The following XRCC6 variants were observed in gnomAD, a reference collection of about 807,000 sequenced individuals.
The protein encoded by XRCC6 is DNA repair protein Ku70.
In XRCC6, 5 loss-of-function variants were observed where a neutral mutation model predicts 65.7. The observed-to-expected ratio is 0.08, with a 90% CI of 0.04 to 0.16. XRCC6 has a LOEUF of 0.16. Among genes scored for constraint, XRCC6 ranks in the 10% least tolerant of loss-of-function variants. The pLI, the probability that XRCC6 is intolerant of heterozygous loss-of-function variation, is 1.00. For missense variants in XRCC6, 447 were observed against 738.1 expected, an observed-to-expected ratio of 0.61 and a Z score of 4.57; for synonymous variants, 270 against 270.6, an observed-to-expected ratio of 1.00 and a Z score of 0.02.
chr22:41,642,845 T>C (rs1424513334), intron 6 of XRCC6, among the ~76,000 whole-genome samples: 3 of 152,246 alleles, frequency 2.0e-5, no homozygotes, highest in Admixed American at 6.5e-5. Flanking sequence ...CACCAAATGG[T>C]TGATGTTGTT....
chr22:41,635,204 A>G (rs1191127614), intron 3 of XRCC6, among the ~76,000 whole-genome samples: 3 of 152,228 alleles, frequency 2.0e-5, no homozygotes, highest in African/African-American at 4.8e-5. Flanking sequence ...AGTACCTAAT[A>G]CAATGCCTAT....
intron 3 of XRCC6, among the ~76,000 whole-genome samples, chr22:41,630,852 A>G (rs575823793): frequency 6.2e-4 from 94 of 152,304 alleles, no homozygotes; most frequent in African/African-American, 2.1e-3. Context: ...AAAGTCTCCC[A>G]TGTCTACTTT....
chr22:41,647,211 GT>G, intron 7 of XRCC6, 129 bp downstream of exon 7: 1 of 875,066 alleles, frequency 1.1e-6, no homozygotes, highest in Non-Finnish European at 1.7e-6. Context: ...CGATCCTTCT[GT>G]CTCAGCCTCC....
rs1303054561 is a variant in XRCC6, at chr22:41,636,743, A to G, written c.562A>G (p.Thr188Ala). 1.9e-5 allele frequency: 31 copies of G among 1,614,160 alleles called. No homozygotes were observed. The highest frequency in any genetic ancestry group is 2.5e-5 in the Non-Finnish European group (29 of 1,180,028). The part of the protein sequence containing the change: ...NDSAKASRAR[T>A]KAGDLRDTGI... The stretch of plus-strand genomic sequence containing the variant: ...CAGTGCCAAAGCCAGCCGGGCCAGG[A>G]CCAAAGCCGGTGATCTCCGAGATAC... The change falls in exon 5 of 13, where the codon ACC (threonine) becomes GCC (alanine). Residue 188 changes from threonine to alanine, a missense_variant. Coordinates refer to ENST00000360079, the MANE Select transcript of XRCC6 (RefSeq NM_001469.5).
At chr22:41,658,131 T>G in intron 10 of XRCC6, 121 bp from the exon 11 acceptor site, 1 of 921,578 alleles carries the variant, frequency 1.1e-6, no homozygotes, top group Non-Finnish European at 1.7e-6. Flanking sequence ...ACCTCAACTG[T>G]TTTACTTGGG....
intron 12 of XRCC6, among the ~76,000 whole-genome samples, chr22:41,661,971 AAGAC>A (rs1327397335): frequency 6.6e-6 from 1 of 152,230 alleles, no homozygotes; most frequent in Non-Finnish European, 1.5e-5. Context: ...CAGGCTCAGA[AAGAC>A]AGACATTTAC....
intron 11 of XRCC6, among the ~76,000 whole-genome samples, chr22:41,660,885 T>C (rs1173694569): frequency 6.6e-6 from 1 of 152,150 alleles, no homozygotes; most frequent in Non-Finnish European, 1.5e-5. Flanking sequence ...GAAAGTCATG[T>C]AATCTCTCTC....
intron 8 of XRCC6, among the ~76,000 whole-genome samples, chr22:41,651,361 A>ATTTTTT (rs764795746): frequency 6.0e-5 from 3 of 49,674 alleles, no homozygotes; most frequent in South Asian, 7.0e-4. Context: ...AGTTAAACAG[A>ATTTTTT]TTTTTTTTTT....
At chr22:41,641,850 T>TGGCGCGATCTCGGCTCACTGCAAC (rs2067881167) in intron 6 of XRCC6, among the ~76,000 whole-genome samples, 1 of 152,168 alleles carries the variant, frequency 6.6e-6, no homozygotes. Flanking sequence ...TAGACTGCAA[T>TGGCGCGATCTCGGCTCACTGCAAC]GGCGCGATCT....
chr22:41,646,478 A>T (rs947958509), intron 6 of XRCC6, among the ~76,000 whole-genome samples: 1 of 152,190 alleles, frequency 6.6e-6, no homozygotes, highest in African/African-American at 2.4e-5. Flanking sequence ...GAAATGCTCT[A>T]CAGTCTGAAA....
chr22:41,652,429 C>CAT (rs1277771355), intron 8 of XRCC6, among the ~76,000 whole-genome samples: 1 of 151,280 alleles, frequency 6.6e-6, no homozygotes, highest in African/African-American at 2.4e-5. Flanking sequence ...CCAGTGGCAC[C>CAT]ATCTTGGCTC....
intron 11 of XRCC6, among the ~76,000 whole-genome samples, chr22:41,659,062 G>A (rs996242719): frequency 6.6e-6 from 1 of 152,174 alleles, no homozygotes; most frequent in South Asian, 2.1e-4. Flanking sequence ...AGCTATTCTC[G>A]TGTCTCAGAC....
intron 10 of XRCC6, among the ~76,000 whole-genome samples, chr22:41,657,358 T>C (rs964051082): frequency 3.3e-5 from 5 of 152,076 alleles, no homozygotes; most frequent in African/African-American, 1.2e-4. Context: ...AAATCTAGTG[T>C]AAATTGTTAA....
intron 3 of XRCC6, among the ~76,000 whole-genome samples, chr22:41,631,095 A>AC (rs924418518): frequency 1.3e-4 from 16 of 126,992 alleles, no homozygotes; most frequent in African/African-American, 1.9e-4. Context: ...TGGGGGGATG[A>AC]CCCCCCCACC....
intron 7 of XRCC6, among the ~76,000 whole-genome samples, chr22:41,650,355 G>C (rs1380839800): frequency 6.6e-6 from 1 of 151,932 alleles, no homozygotes; most frequent in Non-Finnish European, 1.5e-5. Context: ...TCTTGCCTCA[G>C]CTCTCAAAGT....
Position 41,636,529 on chromosome 22 carries a change from T to A in XRCC6, c.348T>A (p.Ile116=). ...QELDNPGAKR[I]LELDQFKGQQ... Reference sequence around the variant, plus strand: ...GCCTCTGATCAGGTGCAAAACGAATTCTAGAGCTTGACCAGTTTAAGGGGC... The same window carrying A: ...GCCTCTGATCAGGTGCAAAACGAATACTAGAGCTTGACCAGTTTAAGGGGC... The change falls in exon 5 of 13, where the codon ATT becomes ATA. Residue 116 remains isoleucine, a synonymous_variant. Coordinates refer to ENST00000360079, the MANE Select transcript of XRCC6 (RefSeq NM_001469.5). The A allele has an allele frequency of 6.2e-7, 1 of 1,613,958 alleles. No individual in the cohort carries two copies.
At chr22:41,654,791 A>G (rs2068030187) in intron 9 of XRCC6, among the ~76,000 whole-genome samples, 1 of 152,158 alleles carries the variant, frequency 6.6e-6, no homozygotes, top group Non-Finnish European at 1.5e-5. Context: ...TGGATGTATC[A>G]AAAAAGCTGG....
intron 1 of XRCC6, 95 bp from the exon 2 acceptor site, chr22:41,621,895 A>C: frequency 8.0e-7 from 1 of 1,254,368 alleles, no homozygotes; most frequent in East Asian, 2.3e-5. Context: ...CCTCACTACT[A>C]ACCAAGCTTT....
Position 41,634,348 on chromosome 22 carries a change from G to A in XRCC6, c.196-1765G>A, listed in dbSNP as rs1037549233. Among the ~76,000 whole-genome samples, 4 of 151,836 alleles carry A rather than the reference G, an allele frequency of 2.6e-5. No homozygotes were observed. In the East Asian group the frequency reaches 7.7e-4, roughly 29 times the overall value. ...TAGTGGGGACTACAAGCATGTGCAT[G>A]CCCAGCTAATTTTTTTGTTTTTTGT... On this transcript the variant is annotated intron_variant, in intron 3 of 12. Transcript: ENST00000360079.
Sources: gnomAD v4.1 joint callset for allele counts (sites outside exome capture counted in the v4.1 genomes callset) on GRCh38, gnomAD v4.1.1 for gene constraint, MANE v1.5 for transcripts, NCBI Gene and HGNC (gene_info 2026-07-23, HGNC 2026-07-21) for gene names.